Variants in OSMR observed in about 807,000 individuals in gnomAD.
OSMR encodes the protein oncostatin-M-specific receptor subunit beta.
A neutral mutation model predicts 99.9 loss-of-function variants in OSMR; 81 were observed. The ratio of observed to expected loss-of-function variants is 0.81; its 90% confidence interval spans 0.68 to 0.97. The LOEUF (loss-of-function observed/expected upper bound fraction) is 0.97. OSMR is among the 50% of genes least tolerant of loss of function. OSMR has a pLI of 0.00. For synonymous variants in OSMR, 406 were observed against 410.4 expected (o/e 0.99, Z 0.13); for missense variants, 1,099 against 1,153.4 (o/e 0.95, Z 0.68).
chr5:38,846,775 A>G (rs921636407), intron 1 of OSMR, among the ~76,000 whole-genome samples: 26 of 152,152 alleles, frequency 1.7e-4, no homozygotes, highest in African/African-American at 5.8e-4. Flanking sequence ...ACTTGAGTGG[A>G]AGTGGCCCTC....
chr5:38,862,030 T>C (rs1483460225), intron 1 of OSMR, among the ~76,000 whole-genome samples: 4 of 76,280 alleles, frequency 5.2e-5, no homozygotes, highest in East Asian at 5.5e-4. Flanking sequence ...GGCTCCTCAC[T>C]TCCCAGTAGG....
chr5:38,863,552 G>A (rs1211303794), intron 1 of OSMR, among the ~76,000 whole-genome samples: 1 of 152,126 alleles, frequency 6.6e-6, no homozygotes, highest in African/African-American at 2.4e-5. Flanking sequence ...AAAAAAATTA[G>A]TTGAGACTTG....
chr5:38,899,483 G>A (rs1225129441), intron 7 of OSMR, among the ~76,000 whole-genome samples: 1 of 152,106 alleles, frequency 6.6e-6, no homozygotes, highest in African/African-American at 2.4e-5. Flanking sequence ...CTCAAGCAGA[G>A]GGTGTCTCTC....
At chr5:38,869,254 T>C in intron 2 of OSMR, 137 bp downstream of exon 2, 1 of 785,350 alleles carries the variant, frequency 1.3e-6, no homozygotes, top group South Asian at 1.4e-5. Context: ...CATGAGGAGA[T>C]TTGTCAATCT....
Position 38,903,994 on chromosome 5 carries a change from T to A in OSMR, c.1104T>A (p.Ile368=), listed in dbSNP as rs537219588. ...IRNNFTYLCQ[I]ELHGEGKMMQ... ...ATAATTTCACATATTTGTGTCAGAT[T>A]GAACTCCATGGTGAAGGAAAAATGA... The change falls in exon 8 of 18, where the codon ATT becomes ATA. Residue 368 remains isoleucine (I), a synonymous_variant. Transcript: ENST00000274276. 1.8e-5 allele frequency: 29 copies of A among 1,614,132 alleles called. No individual in the cohort carries two copies. In the African/African-American group the frequency reaches 3.6e-4, roughly 20 times the overall value.
Position 38,933,457 on chromosome 5 carries a change from T to TTTCA in OSMR, c.*15_*18dup. On this transcript the variant is annotated 3_prime_UTR_variant, in exon 18 of 18. Transcript: ENST00000274276. ...ACACTACTGCTAACCAGCATGCCGA[T>TTTCA]TTCATACCTTATGCTACACAGACAT... The TTTCA allele has an allele frequency of 6.2e-7, 1 of 1,613,932 alleles. No homozygotes were observed. The highest frequency in any genetic ancestry group is 1.7e-5 in the Admixed American group (1 of 60,018).
At chr5:38,856,023 A>G (rs911855061) in intron 1 of OSMR, among the ~76,000 whole-genome samples, 1 of 151,688 alleles carries the variant, frequency 6.6e-6, no homozygotes, top group Non-Finnish European at 1.5e-5. Context: ...GCAGCCCCCA[A>G]CCTCAGGGTC....
chr5:38,885,943 C>T (rs1033931292), intron 6 of OSMR, 96 bp from the exon 7 acceptor site: 2 of 1,531,918 alleles, frequency 1.3e-6, no homozygotes, highest in African/African-American at 1.4e-5. Context: ...CATAGTTTGA[C>T]AGTCACTGAG....
chr5:38,937,345 A>G (rs1250236453), downstream of OSMR, among the ~76,000 whole-genome samples: 2 of 152,206 alleles, frequency 1.3e-5, no homozygotes, highest in Non-Finnish European at 2.9e-5. The surrounding 1 kb of genome is among the most constrained non-coding windows in gnomAD (Gnocchi z 4.0). Flanking sequence ...GAGGCCAACT[A>G]TATTTTCAAT....
At chr5:38,915,000 G>A (rs1173630872) in intron 9 of OSMR, among the ~76,000 whole-genome samples, 1 of 152,068 alleles carries the variant, frequency 6.6e-6, no homozygotes, top group Non-Finnish European at 1.5e-5. Context: ...TATAAAAAGA[G>A]AGTTTCTAGG....
intron 13 of OSMR, 125 bp downstream of exon 13, chr5:38,923,379 C>A: frequency 3.0e-6 from 2 of 662,680 alleles, no homozygotes; most frequent in Non-Finnish European, 5.4e-6. Context: ...TTTATTCTAG[C>A]AATTGGGTTT....
chr5:38,863,295 C>G (rs1375622611), intron 1 of OSMR, among the ~76,000 whole-genome samples: 4 of 149,914 alleles, frequency 2.7e-5, no homozygotes, highest in Non-Finnish European at 4.4e-5. Context: ...AATCCCAGCA[C>G]TTTGGGAGGC....
chr5:38,909,587 TAAAAG>T (rs1323869406), intron 9 of OSMR, among the ~76,000 whole-genome samples: 1 of 152,194 alleles, frequency 6.6e-6, no homozygotes, highest in Non-Finnish European at 1.5e-5. Context: ...TGAACATTCT[TAAAAG>T]AAATTCCAAC....
At chr5:38,880,555 T>G (rs1442026938) in intron 3 of OSMR, among the ~76,000 whole-genome samples, 1 of 152,066 alleles carries the variant, frequency 6.6e-6, no homozygotes, top group Non-Finnish European at 1.5e-5. Context: ...ACAAGAGGAA[T>G]GCAGAGGAAA....
chr5:38,932,775 T>C (rs1180642776), intron 17 of OSMR, 97 bp from the exon 18 acceptor site: 25 of 1,566,854 alleles, frequency 1.6e-5, no homozygotes, highest in African/African-American at 4.1e-5. Context: ...ATGAAGAACA[T>C]TGAAGCTCTA....
At chr5:38,940,496 G>A (rs1379860981), downstream of OSMR, 5 of 232,558 alleles carry the variant, frequency 2.2e-5, no homozygotes, top group Non-Finnish European at 4.3e-5. Context: ...GACAGGCAAC[G>A]TTCTTAGAAG....
Position 38,918,956 on chromosome 5 carries a change from A to G in OSMR, c.1479A>G (p.Thr493=). The change falls in exon 11 of 18, where the codon ACA becomes ACG. Residue 493 remains threonine (T), a synonymous_variant. Transcript: ENST00000274276. Reference sequence around the variant, plus strand: ...CCATTCCAGCACCAGCCAACAGCACAAAACTAATCCTTGACAGGTGTTCCT... The same window carrying G: ...CCATTCCAGCACCAGCCAACAGCACGAAACTAATCCTTGACAGGTGTTCCT... The part of the protein sequence containing the change: ...LHSIPAPANS[T]KLILDRCSYQ... 2 of 1,614,210 alleles carry G rather than the reference A, an allele frequency of 1.2e-6. No individual in the cohort carries two copies. The highest frequency in any genetic ancestry group is 2.2e-5 in the East Asian group (1 of 44,880).
At chr5:38,851,641 G>C (rs899583912) in intron 1 of OSMR, among the ~76,000 whole-genome samples, 3 of 152,138 alleles carry the variant, frequency 2.0e-5, no homozygotes, top group Admixed American at 6.5e-5. Flanking sequence ...GCACTGAGGG[G>C]CACAGCTGCA....
At chr5:38,861,346 G>A (rs1741286370) in intron 1 of OSMR, among the ~76,000 whole-genome samples, 1 of 151,950 alleles carries the variant, frequency 6.6e-6, no homozygotes, top group Non-Finnish European at 1.5e-5. Flanking sequence ...CTGCCTTCAA[G>A]CATCTGTTTA....
Sources: gnomAD v4.1 joint callset for allele counts (sites outside exome capture counted in the v4.1 genomes callset) on GRCh38, gnomAD v4.1.1 for gene constraint, Gnocchi (gnomAD v3.1) non-coding constraint, MANE v1.5 for transcripts, NCBI Gene and HGNC (gene_info 2026-07-23, HGNC 2026-07-21) for gene names.